The following CDC42SE2 variants were observed in gnomAD, a reference collection of about 807,000 sequenced individuals.
The protein encoded by CDC42SE2 is CDC42 small effector protein 2.
In CDC42SE2, 3 loss-of-function variants were observed where a neutral mutation model predicts 11.5. That is an observed-to-expected ratio of 0.26 (90% CI 0.12 to 0.67). CDC42SE2 has a LOEUF of 0.67. CDC42SE2 is among the 30% of genes least tolerant of loss of function. The pLI, the probability that CDC42SE2 is intolerant of heterozygous loss-of-function variation, is 0.80. For missense variants in CDC42SE2, 82 were observed against 106.8 expected (o/e 0.77, Z 1.02); for synonymous variants, 33 against 34.8 (o/e 0.95, Z 0.18).
the CDC42SE2 span, among the ~76,000 whole-genome samples, chr5:131,238,652 A>T: frequency 1.3e-5 from 2 of 151,956 alleles, no homozygotes; most frequent in African/African-American, 4.8e-5. Flanking sequence ...AGAAAACCTT[A>T]AAAAATATTA....
chr5:131,255,495 T>C (rs1246937000), intron 2 of CDC42SE2: 1 of 152,228 alleles, frequency 6.6e-6, no homozygotes, highest in African/African-American at 2.4e-5. Flanking sequence ...CCGGGCGCAG[T>C]GGCTCATGCC....
At chr5:131,323,310 C>T (rs1397400554) in intron 2 of CDC42SE2, among the ~76,000 whole-genome samples, 1 of 151,880 alleles carries the variant, frequency 6.6e-6, no homozygotes, top group Non-Finnish European at 1.5e-5. Flanking sequence ...AGGCATGAGC[C>T]ACTGTGCCCG....
intron 1 of CDC42SE2, among the ~76,000 whole-genome samples, chr5:131,272,951 C>G (rs1757024476): frequency 6.6e-6 from 1 of 152,062 alleles, no homozygotes; most frequent in African/African-American, 2.4e-5. Flanking sequence ...TGTTTGAAAT[C>G]TTCCCTTTGT....
chr5:131,357,750 A>G (rs1196104832), intron 2 of CDC42SE2, among the ~76,000 whole-genome samples: 4 of 152,154 alleles, frequency 2.6e-5, no homozygotes, highest in Non-Finnish European at 5.9e-5. Flanking sequence ...TTTAAACTTT[A>G]TATCCATTTT....
chr5:131,347,970 A>T (rs1407804114), intron 2 of CDC42SE2, among the ~76,000 whole-genome samples: 1 of 152,130 alleles, frequency 6.6e-6, no homozygotes. Context: ...AAACTTAACA[A>T]ACTAGGTATT....
At chr5:131,323,639 C>T (rs907937568) in intron 2 of CDC42SE2, among the ~76,000 whole-genome samples, 2 of 134,000 alleles carry the variant, frequency 1.5e-5, no homozygotes, top group African/African-American at 5.7e-5. Flanking sequence ...GGTAATTTTG[C>T]TAACCTTAAT....
rs368626062 is a variant in CDC42SE2, at chr5:131,303,007, C to A, written c.-454-12969C>A. Among the ~76,000 whole-genome samples the A allele has an allele frequency of 9.9e-5, 15 of 152,258 alleles. No individual in the cohort carries two copies. The South Asian group carries it at 2.9e-3, about 29-fold the overall frequency. On this transcript the variant is annotated intron_variant, in intron 1 of 4. Transcript: ENST00000505065. ...AGCACCAGCAAATAATAGCAAGAAT[C>A]AAACAAAAATGTGTTGAGTCTTAGT...
chr5:131,292,922 A>C (rs7722327), intron 1 of CDC42SE2, among the ~76,000 whole-genome samples: 51 of 119,526 alleles, frequency 4.3e-4, no homozygotes, highest in African/African-American at 1.7e-3. Flanking sequence ...AAAAAAAAAA[A>C]AAAAAAAAAA....
rs149409161 is a variant in CDC42SE2 at position 131,379,759 on chromosome 5, C to T, written c.55-5784C>T. Among the ~76,000 whole-genome samples the T allele has an allele frequency of 4.5e-3, 687 of 152,224 alleles. 3 individuals carry two copies. Among genetic ancestry groups the T allele is most frequent in the Non-Finnish European group, 7.3e-3 (498 of 68,018 alleles). ...ATGCAAGGATTATTCAGATGGTTGA[C>T]GGTCTTAACAAAGTTTCCTATAAAG... On this transcript the variant is annotated intron_variant, in intron 3 of 4. Coordinates refer to ENST00000505065, the MANE Select transcript of CDC42SE2 (RefSeq NM_001375635.1).
At chr5:131,305,477 C>A (rs956266622) in intron 1 of CDC42SE2, among the ~76,000 whole-genome samples, 1 of 152,170 alleles carries the variant, frequency 6.6e-6, no homozygotes, top group African/African-American at 2.4e-5. Flanking sequence ...CTTATTTGAA[C>A]ATGGTCTGAT....
chr5:131,364,516 G>T (rs1261457635), intron 3 of CDC42SE2, among the ~76,000 whole-genome samples: 1 of 152,166 alleles, frequency 6.6e-6, no homozygotes, highest in Non-Finnish European at 1.5e-5. Context: ...TTTATTCTTT[G>T]TGAAATAGGA....
At chr5:131,333,043 C>T (rs1027466641) in intron 2 of CDC42SE2, among the ~76,000 whole-genome samples, 6 of 152,142 alleles carry the variant, frequency 3.9e-5, no homozygotes, top group East Asian at 3.8e-4. Context: ...AGTCCTTGCC[C>T]GTGCCTATAC....
At chr5:131,274,933 T>G (rs1283020917) in intron 1 of CDC42SE2, among the ~76,000 whole-genome samples, 1 of 152,212 alleles carries the variant, frequency 6.6e-6, no homozygotes, top group African/African-American at 2.4e-5. Flanking sequence ...ATGTCTTTGG[T>G]TACAGCTTAT....
intron 3 of CDC42SE2, among the ~76,000 whole-genome samples, chr5:131,377,674 A>G (rs1178111063): frequency 6.6e-6 from 1 of 152,230 alleles, no homozygotes; most frequent in Non-Finnish European, 1.5e-5. Context: ...TGTACACTGT[A>G]GCTTGAGAAC....
the CDC42SE2 span, among the ~76,000 whole-genome samples, chr5:131,232,629 G>A: frequency 1.3e-5 from 2 of 150,958 alleles, no homozygotes; most frequent in Non-Finnish European, 2.9e-5. Flanking sequence ...AGGTACTTGG[G>A]AGGCTGAGGC....
rs1268706842 is a variant in CDC42SE2 at position 131,359,492 on chromosome 5, G to T, written c.-2G>T. Reference sequence around the variant, plus strand: ...GGTGCTCATTTACTGTGGACTGTAAGCATGAGTGAATTCTGGTTGTGTTTC... The same window carrying T: ...GGTGCTCATTTACTGTGGACTGTAATCATGAGTGAATTCTGGTTGTGTTTC... On this transcript the variant is annotated 5_prime_UTR_variant, in exon 3 of 5. Transcript: ENST00000505065. The T allele has an allele frequency of 6.2e-7, 1 of 1,612,392 alleles. No individual in the cohort carries two copies. Among genetic ancestry groups the T allele is most frequent in the South Asian group, 1.1e-5 (1 of 91,052 alleles).
At chr5:131,362,963 A>G (rs544422716) in intron 3 of CDC42SE2, among the ~76,000 whole-genome samples, 1 of 152,178 alleles carries the variant, frequency 6.6e-6, no homozygotes, top group Non-Finnish European at 1.5e-5. Context: ...CCTGAGCAAC[A>G]TGGTGAAACC....
chr5:131,297,167 T>G (rs1757586642), intron 1 of CDC42SE2, among the ~76,000 whole-genome samples: 1 of 151,640 alleles, frequency 6.6e-6, no homozygotes, highest in African/African-American at 2.4e-5. Flanking sequence ...CTTTTTTTTT[T>G]TTTTTTGCAT....
intron 1 of CDC42SE2, among the ~76,000 whole-genome samples, chr5:131,314,068 T>C (rs1481794125): frequency 6.6e-6 from 1 of 152,210 alleles, no homozygotes; most frequent in Non-Finnish European, 1.5e-5. Context: ...TAGAATTGTG[T>C]TGACTATATT....
Sources: allele counts gnomAD v4.1 joint callset (sites outside exome capture counted in the v4.1 genomes callset), GRCh38; gene constraint gnomAD v4.1.1; transcripts MANE v1.5; gene names NCBI Gene and HGNC (gene_info 2026-07-23, HGNC 2026-07-21).